COL4A4: variants seen among roughly 807,000 people sequenced by gnomAD.
The protein encoded by COL4A4 is collagen type IV alpha 4 chain, also known as collagen alpha-4(IV) chain.
In COL4A4, 105 loss-of-function variants were observed where a neutral mutation model predicts 192.9. That is an observed-to-expected ratio of 0.54 (90% confidence interval 0.46 to 0.64). The LOEUF is 0.64. COL4A4 is among the 30% of genes least tolerant of loss of function. COL4A4 has a pLI of 0.00. For missense variants in COL4A4, 1,967 were observed against 2,169.3 expected, an observed-to-expected ratio of 0.91 and a Z score of 1.85; for synonymous variants, 762 against 769.9, an observed-to-expected ratio of 0.99 and a Z score of 0.17.
chr2:227,083,807 A>T (rs2059442549), intron 22 of COL4A4, among the ~76,000 whole-genome samples: 1 of 152,122 alleles, frequency 6.6e-6, no homozygotes, highest in Non-Finnish European at 1.5e-5. Context: ...TCTTTTTTTA[A>T]CCGGCTGTAC....
chr2:227,008,505 C>G lies in COL4A4; in HGVS notation c.4523-201G>C, dbSNP rs535672900. ...AGCCCTCATCCCCTCATCCCTCACTCGAGCCAAGCAGGGGGCCAGGTGCTG... is the reference window on the plus strand; with the variant it reads ...AGCCCTCATCCCCTCATCCCTCACTGGAGCCAAGCAGGGGGCCAGGTGCTG... On this transcript the variant is annotated intron_variant, in intron 46 of 47. Transcript: ENST00000396625. Among the ~76,000 whole-genome samples, 19 of 152,276 alleles carry G rather than the reference C, an allele frequency of 1.2e-4. No individual in the cohort carries two copies. In the East Asian group the frequency reaches 3.5e-3, roughly 28 times the overall value.
At chr2:227,094,744 A>T (rs905129526) in intron 19 of COL4A4, among the ~76,000 whole-genome samples, 2 of 152,246 alleles carry the variant, frequency 1.3e-5, no homozygotes, top group African/African-American at 4.8e-5. Flanking sequence ...AGACGTGACA[A>T]ATAGGTTAAT....
At chr2:227,070,573 C>T (rs2150390525) in intron 25 of COL4A4, among the ~76,000 whole-genome samples, 1 of 152,098 alleles carries the variant, frequency 6.6e-6, no homozygotes, top group East Asian at 1.9e-4. Flanking sequence ...TTTGTAGGGA[C>T]ATGGATGAAA....
At chr2:227,109,775 G>A (rs2061089875) in intron 9 of COL4A4, among the ~76,000 whole-genome samples, 1 of 149,776 alleles carries the variant, frequency 6.7e-6, no homozygotes, top group African/African-American at 2.4e-5. Context: ...CAAGCTAAAG[G>A]TAGCAGCACT....
In COL4A4 at chr2:227,147,403, G is replaced by A. The variant is rs374140251; in HGVS notation, c.71+10C>T. On this transcript the variant is annotated intron_variant, in intron 2 of 47. Transcript: ENST00000396625. ...AAATAAAAGCAGGCAATCACACTGAGGATACTCACCAGGGACCTGTGGCCA... is the reference window on the plus strand; with the variant it reads ...AAATAAAAGCAGGCAATCACACTGAAGATACTCACCAGGGACCTGTGGCCA... The A allele has an allele frequency of 1.3e-4, 202 of 1,611,938 alleles. 1 individual carries two copies. The African/African-American group carries it at 2.5e-3, about 20-fold the overall frequency.
At chr2:226,988,752 G>A in the COL4A4 span, 5 of 906,712 alleles carry the variant, frequency 5.5e-6, no homozygotes, top group African/African-American at 9.0e-5. Flanking sequence ...AACGAGCATA[G>A]AGAATTATTC....
chr2:227,061,546 C>T (rs527332708), intron 26 of COL4A4, among the ~76,000 whole-genome samples: 16 of 152,292 alleles, frequency 1.1e-4, no homozygotes, highest in African/African-American at 3.9e-4. Context: ...TCAGCTAAAC[C>T]CAACCAACCT....
At chr2:227,034,541 CTTTTT>C (rs557795215) in intron 37 of COL4A4, among the ~76,000 whole-genome samples, 2 of 143,792 alleles carry the variant, frequency 1.4e-5, no homozygotes, top group South Asian at 4.5e-4. Context: ...AGTAGCTGTT[CTTTTT>C]TTTTTTTAAT....
chr2:226,977,952 T>G, the COL4A4 span, among the ~76,000 whole-genome samples: 2 of 152,268 alleles, frequency 1.3e-5, no homozygotes, highest in Non-Finnish European at 2.9e-5. Context: ...AGAGGCTGTT[T>G]GGGCATGTTT....
At chr2:227,075,601 C>G (rs1023102821) in intron 25 of COL4A4, among the ~76,000 whole-genome samples, 6 of 152,162 alleles carry the variant, frequency 3.9e-5, no homozygotes, top group Admixed American at 6.5e-5. Context: ...CCCTCTCTCA[C>G]CACTCCTATT....
intron 1 of COL4A4, among the ~76,000 whole-genome samples, chr2:227,160,552 C>T (rs2064743125): frequency 6.6e-6 from 1 of 152,102 alleles, no homozygotes; most frequent in East Asian, 1.9e-4. Flanking sequence ...GGACCCCCAC[C>T]CCATTCCCAC....
At chr2:227,163,180 G>T (rs1012928456) in intron 1 of COL4A4, among the ~76,000 whole-genome samples, 1 of 152,206 alleles carries the variant, frequency 6.6e-6, no homozygotes, top group Non-Finnish European at 1.5e-5. Flanking sequence ...TTTACTTTTA[G>T]TAACATGTCA....
chr2:227,087,616 C>A (rs2059674411), intron 22 of COL4A4, among the ~76,000 whole-genome samples: 1 of 152,144 alleles, frequency 6.6e-6, no homozygotes, highest in Non-Finnish European at 1.5e-5. Context: ...CCAGCACCAC[C>A]ACATTAAGGC....
intron 35 of COL4A4, among the ~76,000 whole-genome samples, chr2:227,045,721 A>G (rs1972349300): frequency 6.8e-6 from 1 of 146,256 alleles, no homozygotes; most frequent in African/African-American, 2.5e-5. Flanking sequence ...GTGAGCCAAG[A>G]TTGTGCCACT....
At chr2:227,098,189 G>A (rs2060307581) in intron 19 of COL4A4, among the ~76,000 whole-genome samples, 1 of 152,100 alleles carries the variant, frequency 6.6e-6, no homozygotes, top group African/African-American at 2.4e-5. Flanking sequence ...CTTTCATGCA[G>A]GAGATTTAAG....
the COL4A4 span, among the ~76,000 whole-genome samples, chr2:226,993,595 T>G: frequency 6.6e-6 from 1 of 152,014 alleles, no homozygotes; most frequent in Non-Finnish European, 1.5e-5. Flanking sequence ...GGCAAAAACG[T>G]TTTTTGGGGT....
intron 19 of COL4A4, 136 bp downstream of exon 19, chr2:227,098,558 G>T: frequency 1.5e-6 from 1 of 683,062 alleles, no homozygotes; most frequent in Non-Finnish European, 2.6e-6. Flanking sequence ...TTGGTCTGGG[G>T]TGTGCACAGG....
the COL4A4 span, among the ~76,000 whole-genome samples, chr2:226,979,490 A>G: frequency 6.6e-6 from 1 of 151,958 alleles, no homozygotes; most frequent in Non-Finnish European, 1.5e-5. Flanking sequence ...ACCCCACCCC[A>G]TCCTCCCATT....
At chr2:226,975,668 C>G in the COL4A4 span, among the ~76,000 whole-genome samples, 1 of 152,132 alleles carries the variant, frequency 6.6e-6, no homozygotes, top group Non-Finnish European at 1.5e-5. Context: ...TTTCTACATG[C>G]AGAAGGAACT....
Sources: gnomAD v4.1 joint callset for allele counts (sites outside exome capture counted in the v4.1 genomes callset) on GRCh38, gnomAD v4.1.1 for gene constraint, MANE v1.5 for transcripts, NCBI Gene and HGNC (gene_info 2026-07-23, HGNC 2026-07-21) for gene names.